Variants in RBM19 observed in about 807,000 individuals in gnomAD.
RBM19 encodes probable RNA-binding protein 19.
RBM19 carries 94 observed loss-of-function variants against 116.8 expected under a neutral mutation model. The ratio of observed to expected loss-of-function variants is 0.80; its 90% confidence interval spans 0.68 to 0.95. RBM19 has a LOEUF of 0.95. Ranked by LOEUF, RBM19 falls within the 40% of genes least tolerant of loss-of-function variation. The probability of loss-of-function intolerance (pLI) is 0.00; values close to 1 mark genes in which losing one functional copy is unlikely to be tolerated. For synonymous variants in RBM19, 475 were observed against 494.1 expected, an observed-to-expected ratio of 0.96 and a Z score of 0.51; for missense variants, 1,161 against 1,220.7, an observed-to-expected ratio of 0.95 and a Z score of 0.73.
rs147054704 is a variant in RBM19, at chr12:113,834,533, G to C, written c.2785+10135C>G. Among the ~76,000 whole-genome samples the C allele has an allele frequency of 3.7e-4, 56 of 152,348 alleles. 1 individual carries two copies. The highest frequency in any genetic ancestry group is 1.2e-3 in the African/African-American group (49 of 41,576). ...AGGCTTGGTGGGCCATAGGGTCTCT[G>C]TCACAACCGCTCAGCTTTGTCCTTG... On this transcript the variant is annotated intron_variant, in intron 23 of 23. Coordinates refer to ENST00000261741, the MANE Select transcript of RBM19 (RefSeq NM_016196.4).
chr12:113,956,175 A>G (rs1239022959), intron 6 of RBM19, among the ~76,000 whole-genome samples: 1 of 152,200 alleles, frequency 6.6e-6, no homozygotes. Flanking sequence ...TTGGGGGGGA[A>G]GAAAAGGACA....
At chr12:113,897,588 G>A (rs1881423582) in intron 21 of RBM19, among the ~76,000 whole-genome samples, 1 of 152,218 alleles carries the variant, frequency 6.6e-6, no homozygotes, top group Admixed American at 6.5e-5. Flanking sequence ...GAGGTGGGAG[G>A]ATCACTTGAG....
intron 23 of RBM19, among the ~76,000 whole-genome samples, chr12:113,841,164 A>G (rs1193360748): frequency 1.3e-5 from 2 of 152,178 alleles, no homozygotes; most frequent in South Asian, 2.1e-4. Context: ...TCACCTATGC[A>G]TGTCAGCTTC....
rs570362768 is a variant in RBM19 at position 113,835,358 on chromosome 12, T to C, written c.2785+9310A>G. Among the ~76,000 whole-genome samples, 5 of 152,310 alleles carry C rather than the reference T, an allele frequency of 3.3e-5. No individual in the cohort carries two copies. In the South Asian group the frequency reaches 1.0e-3, roughly 32 times the overall value. On this transcript the variant is annotated intron_variant, in intron 23 of 23. Transcript: ENST00000261741. ...CAGGCAGGTTGGTCAAAGGGCCTTG[T>C]ACCCCCGCAAAGGATAAAGTGTCAC...
Position 113,915,097 on chromosome 12 carries a change from G to C in RBM19, c.2442-12C>G, listed in dbSNP as rs369751101. 3.7e-6 allele frequency: 6 copies of C among 1,607,288 alleles called. No homozygotes were observed. The highest frequency in any genetic ancestry group is 1.7e-5 in the Admixed American group (1 of 59,994). On this transcript the variant is annotated splice_polypyrimidine_tract_variant and intron_variant, in intron 20 of 23. Transcript: ENST00000261741. ...ATGTCACGGCTGGCCTGGAGTGGTG[G>C]GGGGAGAGGGTCCAAGTTATTCGGA...
chr12:113,931,153 G>T (rs558418911), intron 16 of RBM19, among the ~76,000 whole-genome samples: 33 of 152,290 alleles, frequency 2.2e-4, no homozygotes, highest in African/African-American at 6.7e-4. Context: ...TAAATGAATT[G>T]TAAATTAATG....
chr12:113,937,300 T>C lies in RBM19; in HGVS notation c.1939-164A>G. ...GCCCAGAGCCCTGACTGCTGTCTACTCCCTGAGGACAACATTCGGCCCCCA... is the reference window on the plus strand; with the variant it reads ...GCCCAGAGCCCTGACTGCTGTCTACCCCCTGAGGACAACATTCGGCCCCCA... On this transcript the variant is annotated intron_variant, in intron 15 of 23. Transcript: ENST00000261741. 4 of 746,418 alleles carry C rather than the reference T, an allele frequency of 5.4e-6. No individual in the cohort carries two copies. In the South Asian group the frequency reaches 8.3e-5, roughly 15 times the overall value. The allele number at this position is 746,418 out of a possible 1,614,324, so 46.2% of individuals were successfully genotyped here. A position where few individuals can be genotyped will look rare whatever the true frequency, so the allele number is the denominator to read the frequency against.
intron 23 of RBM19, among the ~76,000 whole-genome samples, chr12:113,824,175 A>G (rs1250944042): frequency 2.0e-5 from 3 of 152,218 alleles, no homozygotes; most frequent in Non-Finnish European, 4.4e-5. Flanking sequence ...GCAACCCCAC[A>G]GGCAGGTGGT....
intron 7 of RBM19, among the ~76,000 whole-genome samples, chr12:113,953,144 A>G (rs575489092): frequency 6.6e-6 from 1 of 152,358 alleles, no homozygotes; most frequent in African/African-American, 2.4e-5. Flanking sequence ...GAACAGATAA[A>G]GACTTCAAGA....
intron 21 of RBM19, among the ~76,000 whole-genome samples, chr12:113,899,129 A>G (rs1463552286): frequency 1.3e-5 from 2 of 152,210 alleles, no homozygotes; most frequent in Non-Finnish European, 2.9e-5. Context: ...ATTGCATGCA[A>G]TGTTACTTTA....
At chr12:113,844,812 CT>C (rs1296192106) in intron 22 of RBM19, 24 bp from the exon 23 acceptor site, 1 of 1,596,996 alleles carries the variant, frequency 6.3e-7, no homozygotes, top group Non-Finnish European at 8.5e-7. Flanking sequence ...AGAAACGAAA[CT>C]GCACATCAGC....
In RBM19 at chr12:113,948,817, G is replaced by A. The variant is rs1175318772; in HGVS notation, c.1276+16C>T. 3 of 1,613,736 alleles carry A rather than the reference G, an allele frequency of 1.9e-6. No homozygotes were observed. Among genetic ancestry groups the A allele is most frequent in the Middle Eastern group, 1.7e-4 (1 of 6,056 alleles). ...TAGCCGCTGGGCTATCCACGGCCCG[G>A]AGGCCACACCCCTACCATATTTGGA... On this transcript the variant is annotated intron_variant, in intron 10 of 23. Coordinates refer to ENST00000261741, the MANE Select transcript of RBM19 (RefSeq NM_016196.4).
chr12:113,914,928 G>T (rs1264123669), intron 21 of RBM19, 41 bp downstream of exon 21: 2 of 1,556,338 alleles, frequency 1.3e-6, no homozygotes, highest in Non-Finnish European at 1.8e-6. Context: ...CAGGCTCCCC[G>T]CCCACACGCC....
intron 23 of RBM19, among the ~76,000 whole-genome samples, chr12:113,826,397 T>C (rs2135681351): frequency 6.6e-6 from 1 of 152,304 alleles, no homozygotes; most frequent in African/African-American, 2.4e-5. Context: ...TCAATAAATG[T>C]GTGCTGAGCG....
chr12:113,897,389 C>A (rs1833289241), intron 21 of RBM19, among the ~76,000 whole-genome samples: 1 of 152,244 alleles, frequency 6.6e-6, no homozygotes, highest in Admixed American at 6.5e-5. Flanking sequence ...TGGTCTCAAG[C>A]TCCTAACCTC....
intron 16 of RBM19, among the ~76,000 whole-genome samples, chr12:113,934,282 C>A (rs950355089): frequency 1.8e-4 from 27 of 152,208 alleles, no homozygotes; most frequent in Non-Finnish European, 1.5e-5. Flanking sequence ...CATGTGACAT[C>A]CCACCACGCC....
At chr12:113,955,548 T>A (rs1488032595) in intron 6 of RBM19, among the ~76,000 whole-genome samples, 1 of 152,168 alleles carries the variant, frequency 6.6e-6, no homozygotes, top group Non-Finnish European at 1.5e-5. Context: ...GTAGGGCTTA[T>A]CAGTGCCAGA....
chr12:113,852,212 A>G (rs1877514643), intron 22 of RBM19, among the ~76,000 whole-genome samples: 1 of 152,110 alleles, frequency 6.6e-6, no homozygotes, highest in South Asian at 2.1e-4. Context: ...AGGACTGTGC[A>G]GTCCTCAGTC....
At chr12:113,936,966 C>G (rs1394265638) in intron 16 of RBM19, 41 bp downstream of exon 16, 1 of 1,603,758 alleles carries the variant, frequency 6.2e-7, no homozygotes, top group Non-Finnish European at 8.5e-7. Context: ...CTTTCCCTCA[C>G]CAGGATCCCA....
Sources: gnomAD v4.1 joint callset for allele counts (sites outside exome capture counted in the v4.1 genomes callset) on GRCh38, gnomAD v4.1.1 for gene constraint, MANE v1.5 for transcripts, NCBI Gene and HGNC (gene_info 2026-07-23, HGNC 2026-07-21) for gene names.